Variants in RAB3C observed in about 807,000 individuals in gnomAD.
The protein encoded by RAB3C is RAB3C, member RAS oncogene family.
A neutral mutation model predicts 26.4 loss-of-function variants in RAB3C; 17 were observed. That is an observed-to-expected ratio of 0.64 (90% CI 0.44 to 0.97). The LOEUF (loss-of-function observed/expected upper bound fraction) is 0.97. RAB3C is among the 50% of genes least tolerant of loss of function. The pLI is 0.00. For synonymous variants in RAB3C, 91 were observed against 95.9 expected, an observed-to-expected ratio of 0.95 and a Z score of 0.30; for missense variants, 242 against 281.9, an observed-to-expected ratio of 0.86 and a Z score of 1.01.
intron 2 of RAB3C, among the ~76,000 whole-genome samples, chr5:58,719,939 A>G (rs762434284): frequency 3.3e-4 from 50 of 151,904 alleles, no homozygotes; most frequent in Admixed American, 3.3e-4. Context: ...ATAATTTAAA[A>G]AAGGAAGACC....
At chr5:58,714,039 C>G (rs1042842138) in intron 2 of RAB3C, among the ~76,000 whole-genome samples, 1 of 152,146 alleles carries the variant, frequency 6.6e-6, no homozygotes, top group Non-Finnish European at 1.5e-5. Flanking sequence ...CACAGTGAAA[C>G]TACAGAATAC....
intron 2 of RAB3C, among the ~76,000 whole-genome samples, chr5:58,671,397 C>T (rs1748116635): frequency 6.6e-6 from 1 of 152,124 alleles, no homozygotes; most frequent in Non-Finnish European, 1.5e-5. Context: ...CGTTCCAGAG[C>T]CAGCACAAAT....
chr5:58,583,416 C>T, intron 1 of RAB3C, 184 bp downstream of exon 1: 1 of 867,778 alleles, frequency 1.2e-6, no homozygotes, highest in Non-Finnish European at 1.4e-6. Context: ...GTGATTGGGG[C>T]TGTCTTGATG....
At chr5:58,828,757 C>T (rs1024184929) in intron 4 of RAB3C, among the ~76,000 whole-genome samples, 1 of 152,172 alleles carries the variant, frequency 6.6e-6, no homozygotes, top group African/African-American at 2.4e-5. Context: ...CTAGACTCTA[C>T]ATTTTTAACA....
chr5:58,623,630 C>G (rs944986309), intron 2 of RAB3C, among the ~76,000 whole-genome samples: 8 of 152,228 alleles, frequency 5.3e-5, no homozygotes, highest in African/African-American at 1.9e-4. Context: ...GGCAGCTGAA[C>G]GCAGGAGCTC....
rs148411149 is a variant in RAB3C, at chr5:58,715,858, TAGAG to T, written c.253-10140_253-10137del. On this transcript the variant is annotated intron_variant, in intron 2 of 4. Transcript: ENST00000282878. ...AGCTCGCCACATGAAGAAGAAAACT[TAGAG>T]AGACTAAAGAATCAGGAGAGCGTCA... Among the ~76,000 whole-genome samples, 914 of 152,004 alleles carry T rather than the reference TAGAG, an allele frequency of 6.0e-3. 10 individuals carry two copies. The highest frequency in any genetic ancestry group is 0.021 in the African/African-American group (864 of 41,482).
chr5:58,740,149 G>A (rs1396948068), intron 3 of RAB3C, among the ~76,000 whole-genome samples: 1 of 152,206 alleles, frequency 6.6e-6, no homozygotes, highest in East Asian at 1.9e-4. Context: ...GGCCAGGCAG[G>A]GGCCATGTGT....
chr5:58,610,188 G>C (rs114430417), intron 1 of RAB3C, among the ~76,000 whole-genome samples: 3,790 of 133,140 alleles, frequency 0.028, 171 homozygotes, highest in African/African-American at 0.099. Flanking sequence ...AATGATTTTT[G>C]TTTTTCTGTG....
intron 3 of RAB3C, among the ~76,000 whole-genome samples, chr5:58,807,140 T>C (rs768467345): frequency 1.3e-5 from 2 of 152,186 alleles, no homozygotes; most frequent in Non-Finnish European, 2.9e-5. Context: ...CTCATGTGAA[T>C]CCATTAGACA....
chr5:58,746,436 G>A (rs1741405674), intron 3 of RAB3C, among the ~76,000 whole-genome samples: 1 of 152,222 alleles, frequency 6.6e-6, no homozygotes, highest in South Asian at 2.1e-4. Context: ...TGAGGCAGCA[G>A]CTAACGGAGA....
intron 3 of RAB3C, among the ~76,000 whole-genome samples, chr5:58,799,462 A>G (rs1282796482): frequency 6.6e-6 from 1 of 152,158 alleles, no homozygotes; most frequent in Non-Finnish European, 1.5e-5. Flanking sequence ...TAGAGCTGAT[A>G]TTCAAGTCCA....
chr5:58,585,188 A>G (rs1296121256), intron 1 of RAB3C, among the ~76,000 whole-genome samples: 1 of 152,024 alleles, frequency 6.6e-6, no homozygotes, highest in Non-Finnish European at 1.5e-5. Flanking sequence ...CATTAATTCA[A>G]TTTAACTAAT....
At chr5:58,817,363 A>C (rs553822495) in intron 3 of RAB3C, among the ~76,000 whole-genome samples, 9 of 152,326 alleles carry the variant, frequency 5.9e-5, no homozygotes, top group African/African-American at 1.9e-4. Flanking sequence ...TTTTAAGGAT[A>C]TCTTTTTAAA....
At chr5:58,818,364 A>C (rs1233207144) in intron 3 of RAB3C, among the ~76,000 whole-genome samples, 3 of 152,234 alleles carry the variant, frequency 2.0e-5, no homozygotes, top group Non-Finnish European at 2.9e-5. Context: ...AAGCTCTTTT[A>C]TCTTGATGTC....
intron 3 of RAB3C, among the ~76,000 whole-genome samples, chr5:58,819,453 C>T (rs547915307): frequency 6.6e-6 from 1 of 152,332 alleles, no homozygotes; most frequent in South Asian, 2.1e-4. Context: ...TATACTTCCT[C>T]ATCTCTAAGT....
intron 3 of RAB3C, among the ~76,000 whole-genome samples, chr5:58,805,165 A>G (rs1742908219): frequency 4.6e-5 from 7 of 152,182 alleles, no homozygotes; most frequent in Admixed American, 4.6e-4. Flanking sequence ...AGAGACTACA[A>G]GCAAGTCTCC....
chr5:58,589,069 ATAGATATTATTTAT>A (rs1394851120), intron 1 of RAB3C, among the ~76,000 whole-genome samples: 1 of 152,054 alleles, frequency 6.6e-6, no homozygotes, highest in African/African-American at 2.4e-5. Context: ...TTGTTTTGGT[ATAGATATTATTTAT>A]TATATTGAAC....
chr5:58,700,619 T>C (rs1748821519), intron 2 of RAB3C, among the ~76,000 whole-genome samples: 1 of 152,186 alleles, frequency 6.6e-6, no homozygotes, highest in Non-Finnish European at 1.5e-5. Context: ...TTGTCTAAGA[T>C]CAAGTGAGGT....
At chr5:58,693,999 G>A (rs753283877) in intron 2 of RAB3C, among the ~76,000 whole-genome samples, 12 of 152,002 alleles carry the variant, frequency 7.9e-5, no homozygotes, top group Middle Eastern at 3.4e-3. Flanking sequence ...TTGATACGTA[G>A]GTATACATGT....
Sources: allele counts gnomAD v4.1 joint callset (sites outside exome capture counted in the v4.1 genomes callset), GRCh38; gene constraint gnomAD v4.1.1; transcripts MANE v1.5; gene names NCBI Gene and HGNC (gene_info 2026-07-23, HGNC 2026-07-21).